The following ZMIZ1 variants were observed in gnomAD, a reference collection of about 807,000 sequenced individuals.
The protein encoded by ZMIZ1 is zinc finger MIZ domain-containing protein 1.
A neutral mutation model predicts 113.9 loss-of-function variants in ZMIZ1; 17 were observed. The observed-to-expected ratio is 0.15, with a 90% CI of 0.10 to 0.22. The LOEUF is 0.22. ZMIZ1 is among the 10% of genes least tolerant of loss of function. The pLI is 1.00. For missense variants in ZMIZ1, 1,059 were observed against 1,477.8 expected, an observed-to-expected ratio of 0.72 and a Z score of 4.65; for synonymous variants, 607 against 603.1, an observed-to-expected ratio of 1.01 and a Z score of -0.09.
In ZMIZ1 at chr10:79,292,185, A is replaced by G; in HGVS notation, c.786A>G (p.Ala262=). The change falls in exon 11 of 25, where the codon GCA becomes GCG. Residue 262 remains alanine, a synonymous_variant. Transcript: ENST00000334512. ...ACCCTGGGGGTCCTAACGCCCCCGC[A>G]GGCATGGGCATCCCTCCGCACACCA... is the stretch of plus-strand genomic sequence containing the variant. The part of the protein sequence containing the change: ...ASYPGGPNAP[A]GMGIPPHTRP... 6.2e-7 allele frequency: 1 copy of G among 1,610,954 alleles called. No individual in the cohort carries two copies. The highest frequency in any genetic ancestry group is 2.2e-5 in the East Asian group (1 of 44,832).
At chr10:79,087,832 C>T (rs1192101269) in intron 1 of ZMIZ1, among the ~76,000 whole-genome samples, 7 of 152,216 alleles carry the variant, frequency 4.6e-5, no homozygotes, top group Non-Finnish European at 1.0e-4. Flanking sequence ...CCTCATGCAC[C>T]AGCTAGGTCA....
chr10:79,126,248 T>C (rs961348969), intron 2 of ZMIZ1, among the ~76,000 whole-genome samples: 2 of 152,166 alleles, frequency 1.3e-5, no homozygotes, highest in African/African-American at 4.8e-5. Flanking sequence ...GTGAGGCTTA[T>C]AAGGGGCAAG....
chr10:79,135,573 C>T (rs1844964824), intron 2 of ZMIZ1, among the ~76,000 whole-genome samples: 1 of 152,182 alleles, frequency 6.6e-6, no homozygotes. Context: ...TCTCTTTCTT[C>T]CTGGCCAATC....
At chr10:79,098,606 C>G (rs1335295865) in intron 1 of ZMIZ1, among the ~76,000 whole-genome samples, 1 of 152,240 alleles carries the variant, frequency 6.6e-6, no homozygotes, top group Non-Finnish European at 1.5e-5. Context: ...ACCCACCAGT[C>G]ACCTGAAAGC....
chr10:79,213,365 C>T (rs1253827124), intron 6 of ZMIZ1, among the ~76,000 whole-genome samples: 1 of 152,214 alleles, frequency 6.6e-6, no homozygotes, highest in African/African-American at 2.4e-5. Context: ...ATTCAGCTCA[C>T]TCTGCCATAC....
At chr10:79,293,945 A>C in intron 12 of ZMIZ1, 1 of 539,220 alleles carries the variant, frequency 1.9e-6, no homozygotes. Context: ...AGCAAGCAGC[A>C]GTTCCTCTTA....
intron 24 of ZMIZ1, among the ~76,000 whole-genome samples, chr10:79,312,199 G>T (rs1855217337): frequency 6.6e-6 from 1 of 152,246 alleles, no homozygotes; most frequent in African/African-American, 2.4e-5. Context: ...GAGCCCTTGA[G>T]AAGAGGGATG....
At chr10:79,108,285 T>G (rs1415617314) in intron 1 of ZMIZ1, among the ~76,000 whole-genome samples, 1 of 151,936 alleles carries the variant, frequency 6.6e-6, no homozygotes, top group Non-Finnish European at 1.5e-5. Context: ...ACAGGGGAAG[T>G]GAGGCTGGGA....
chr10:79,261,002 G>A (rs975524263), intron 7 of ZMIZ1, among the ~76,000 whole-genome samples: 8 of 152,154 alleles, frequency 5.3e-5, no homozygotes, highest in Non-Finnish European at 7.3e-5. Flanking sequence ...CCGAGGACAC[G>A]TCCCTGCATG....
At chr10:79,257,215 C>A (rs192081597) in intron 7 of ZMIZ1, among the ~76,000 whole-genome samples, 1 of 152,232 alleles carries the variant, frequency 6.6e-6, no homozygotes, top group African/African-American at 2.4e-5. Flanking sequence ...GGACTGAGGA[C>A]CACTGTGGGG....
chr10:79,113,440 C>T (rs541808409), intron 1 of ZMIZ1, among the ~76,000 whole-genome samples: 17 of 152,242 alleles, frequency 1.1e-4, no homozygotes, highest in African/African-American at 3.1e-4. Flanking sequence ...ACCTCCTGCC[C>T]GTCCACACCT....
intron 7 of ZMIZ1, among the ~76,000 whole-genome samples, chr10:79,259,617 CT>C (rs376330346): frequency 0.031 from 4,321 of 141,048 alleles, 53 homozygotes; most frequent in Middle Eastern, 0.067. Flanking sequence ...CTATCACCTT[CT>C]TTTTTTTTTT....
At chr10:79,129,290 C>T (rs186122881) in intron 2 of ZMIZ1, among the ~76,000 whole-genome samples, 10 of 152,216 alleles carry the variant, frequency 6.6e-5, no homozygotes, top group Admixed American at 3.3e-4. Flanking sequence ...GGGTGGCCGT[C>T]CAGATTGCCT....
chr10:79,242,594 T>C (rs1470183944), intron 7 of ZMIZ1, among the ~76,000 whole-genome samples: 2 of 65,052 alleles, frequency 3.1e-5, no homozygotes, highest in East Asian at 4.6e-4. Flanking sequence ...CCAGTTCAGC[T>C]CCCTCCTCCA....
At position 79,271,920 on chromosome 10, in the gene ZMIZ1, G is replaced by A. The variant is rs537802709; in HGVS notation, c.281-5261G>A. On this transcript the variant is annotated intron_variant, in intron 7 of 24. Coordinates refer to ENST00000334512, the MANE Select transcript of ZMIZ1 (RefSeq NM_020338.4). ...CACACACGGCGCTGAGAGGCTCTTC[G>A]TGCTAACTACATGCCAGACACTTTT... is the stretch of plus-strand genomic sequence containing the variant. Among the ~76,000 whole-genome samples, 7 of 152,268 alleles carry A rather than the reference G, an allele frequency of 4.6e-5. No individual in the cohort carries two copies. In the East Asian group the frequency reaches 5.8e-4, roughly 13 times the overall value.
chr10:79,291,962 C>A (rs1280141734), intron 10 of ZMIZ1, among the ~76,000 whole-genome samples, 196 bp from the exon 11 acceptor site: 1 of 152,194 alleles, frequency 6.6e-6, no homozygotes, highest in African/African-American at 2.4e-5. Context: ...AGGGTGCAGG[C>A]ACCCCCAAGG....
intron 1 of ZMIZ1, among the ~76,000 whole-genome samples, chr10:79,104,993 G>C (rs1403187843): frequency 7.0e-6 from 1 of 142,806 alleles, no homozygotes; most frequent in African/African-American, 2.7e-5. Flanking sequence ...GTGTGTGTGT[G>C]TCTTAACTGC....
At chr10:79,301,285 G>A (rs776218002) in intron 17 of ZMIZ1, among the ~76,000 whole-genome samples, 3 of 152,072 alleles carry the variant, frequency 2.0e-5, no homozygotes, top group African/African-American at 7.2e-5. Context: ...GTTCCTCAAA[G>A]CCATGTCCTG....
Position 79,307,439 on chromosome 10 carries a change from C to T in ZMIZ1, c.2703C>T (p.Phe901=). The T allele has an allele frequency of 1.2e-6, 2 of 1,612,804 alleles. No homozygotes were observed. The highest frequency in any genetic ancestry group is 1.7e-6 in the Non-Finnish European group (2 of 1,179,432). The part of the protein sequence containing the change: ...NNYQGHGNFD[F]PHGNPGGTSM... ...ACCAAGGCCATGGCAACTTTGACTT[C>T]CCCCACGGGAACCCTGGAGGGACAT... The change falls in exon 23 of 25, where the codon TTC becomes TTT. Residue 901 remains phenylalanine (F), a synonymous_variant. Coordinates refer to ENST00000334512, the MANE Select transcript of ZMIZ1 (RefSeq NM_020338.4).
Sources: gnomAD v4.1 joint callset for allele counts (sites outside exome capture counted in the v4.1 genomes callset) on GRCh38, gnomAD v4.1.1 for gene constraint, MANE v1.5 for transcripts, NCBI Gene and HGNC (gene_info 2026-07-23, HGNC 2026-07-21) for gene names.